GNAQ: variants seen among roughly 807,000 people sequenced by gnomAD.
GNAQ encodes the protein guanine nucleotide-binding protein G(q) subunit alpha.
GNAQ carries 8 observed loss-of-function variants against 43.9 expected under a neutral mutation model. That is an observed-to-expected ratio of 0.18 (90% CI 0.11 to 0.33). The LOEUF (loss-of-function observed/expected upper bound fraction) is 0.33. Ranked by LOEUF, GNAQ falls within the 10% of genes least tolerant of loss-of-function variation. GNAQ has a pLI of 1.00. For synonymous variants in GNAQ, 155 were observed against 170.7 expected, an observed-to-expected ratio of 0.91 and a Z score of 0.71; for missense variants, 158 against 450.8, an observed-to-expected ratio of 0.35 and a Z score of 5.88.
At chr9:77,756,812 C>T (rs1825910849) in intron 5 of GNAQ, among the ~76,000 whole-genome samples, 1 of 152,178 alleles carries the variant, frequency 6.6e-6, no homozygotes, top group Admixed American at 6.5e-5. Context: ...CTTCAGGTTT[C>T]CTTATCTGTA....
chr9:77,958,023 A>G (rs1489650399), intron 1 of GNAQ, among the ~76,000 whole-genome samples: 1 of 152,232 alleles, frequency 6.6e-6, no homozygotes, highest in African/African-American at 2.4e-5. Context: ...TTCTTAAAAT[A>G]CAAATTTTGC....
chr9:77,828,612 G>T (rs139226111), intron 2 of GNAQ, among the ~76,000 whole-genome samples: 1,854 of 152,282 alleles, frequency 0.012, 19 homozygotes, highest in Non-Finnish European at 0.02. Flanking sequence ...TTAGGTCAGA[G>T]ACTAATATTT....
chr9:77,778,144 T>A (rs1826332459), intron 5 of GNAQ, among the ~76,000 whole-genome samples: 2 of 151,992 alleles, frequency 1.3e-5, no homozygotes, highest in Admixed American at 1.3e-4. Flanking sequence ...TTATTTGATC[T>A]AACAGATAAC....
chr9:77,993,867 A>C (rs931405438), intron 1 of GNAQ, among the ~76,000 whole-genome samples: 65 of 152,198 alleles, frequency 4.3e-4, no homozygotes, highest in African/African-American at 1.5e-3. Context: ...ATTTATATAG[A>C]GCTAAAATAG....
At chr9:77,905,298 A>G (rs955505902) in intron 2 of GNAQ, among the ~76,000 whole-genome samples, 2 of 152,178 alleles carry the variant, frequency 1.3e-5, no homozygotes, top group African/African-American at 2.4e-5. Context: ...AACCACGCCT[A>G]TGAGTATTAC....
At chr9:78,021,420 T>C (rs1823907795) in intron 1 of GNAQ, among the ~76,000 whole-genome samples, 1 of 152,218 alleles carries the variant, frequency 6.6e-6, no homozygotes, top group Non-Finnish European at 1.5e-5. Context: ...CAAAAAATTA[T>C]AAAAATCTTT....
At chr9:77,969,121 T>G (rs1412829010) in intron 1 of GNAQ, among the ~76,000 whole-genome samples, 1 of 152,230 alleles carries the variant, frequency 6.6e-6, no homozygotes, top group African/African-American at 2.4e-5. Flanking sequence ...CCAGGTCTGT[T>G]ATTGCTAATC....
At chr9:77,731,604 T>G (rs10869960) in intron 5 of GNAQ, among the ~76,000 whole-genome samples, 85,317 of 152,174 alleles carry the variant, frequency 0.56, 27,169 homozygotes, top group Non-Finnish European at 0.72. Context: ...TCCAGGAATC[T>G]GCTTCTTACA....
intron 5 of GNAQ, among the ~76,000 whole-genome samples, chr9:77,738,108 G>A (rs1175005555): frequency 6.6e-6 from 1 of 152,190 alleles, no homozygotes; most frequent in Non-Finnish European, 1.5e-5. Context: ...GTAAACAGAG[G>A]ACGTGGTGGT....
intron 1 of GNAQ, among the ~76,000 whole-genome samples, chr9:77,987,483 T>C (rs147745578): frequency 4.6e-5 from 7 of 152,216 alleles, no homozygotes; most frequent in East Asian, 1.9e-4. Context: ...ACTAATCTAA[T>C]AGAAGCATCT....
chr9:78,012,113 G>A (rs1823780369), intron 1 of GNAQ, among the ~76,000 whole-genome samples: 1 of 152,142 alleles, frequency 6.6e-6, no homozygotes, highest in Admixed American at 6.5e-5. Flanking sequence ...AAATCTATCT[G>A]CTGGGAAACA....
intron 2 of GNAQ, among the ~76,000 whole-genome samples, chr9:77,883,572 G>A (rs1006078581): frequency 2.0e-5 from 3 of 151,742 alleles, no homozygotes; most frequent in African/African-American, 4.8e-5. Flanking sequence ...GGCGGGGACT[G>A]GGCTTCTAGT....
At chr9:77,801,135 T>A (rs1366452963) in intron 3 of GNAQ, among the ~76,000 whole-genome samples, 1 of 152,088 alleles carries the variant, frequency 6.6e-6, no homozygotes, top group African/African-American at 2.4e-5. Flanking sequence ...CACAGATGAG[T>A]GTTAGCACAG....
At chr9:77,775,599 GAGAC>G (rs1826295465) in intron 5 of GNAQ, among the ~76,000 whole-genome samples, 1 of 151,400 alleles carries the variant, frequency 6.6e-6, no homozygotes, top group African/African-American at 2.4e-5. Flanking sequence ...ATTTTTAGTA[GAGAC>G]GGGGTTTCAC....
intron 2 of GNAQ, among the ~76,000 whole-genome samples, chr9:77,895,959 T>A (rs1355870392): frequency 1.3e-5 from 2 of 152,144 alleles, no homozygotes; most frequent in African/African-American, 2.4e-5. Flanking sequence ...CTGAGTCCAA[T>A]AAAAGCTCTT....
At chr9:77,883,503 T>G (rs1170742956) in intron 2 of GNAQ, among the ~76,000 whole-genome samples, 1 of 151,884 alleles carries the variant, frequency 6.6e-6, no homozygotes, top group Non-Finnish European at 1.5e-5. Flanking sequence ...GTTGTTGTTG[T>G]TTTAATTTTA....
intron 5 of GNAQ, among the ~76,000 whole-genome samples, chr9:77,791,205 T>C (rs895987499): frequency 3.3e-5 from 5 of 152,218 alleles, no homozygotes; most frequent in African/African-American, 9.6e-5. Flanking sequence ...ATAAAGAGCT[T>C]AGCCTGGAAG....
intron 3 of GNAQ, among the ~76,000 whole-genome samples, chr9:77,806,406 T>C (rs1399005260): frequency 6.6e-6 from 1 of 152,206 alleles, no homozygotes; most frequent in Non-Finnish European, 1.5e-5. Flanking sequence ...GTGTGTTAGA[T>C]GGAGGGAGAT....
intron 2 of GNAQ, among the ~76,000 whole-genome samples, chr9:77,878,853 C>T (rs949771248): frequency 1.3e-5 from 2 of 152,034 alleles, no homozygotes; most frequent in Non-Finnish European, 2.9e-5. Flanking sequence ...CGAGACCAGC[C>T]TGGCCTACAT....
Sources: allele counts gnomAD v4.1 joint callset (sites outside exome capture counted in the v4.1 genomes callset), GRCh38; gene constraint gnomAD v4.1.1; transcripts MANE v1.5; gene names NCBI Gene and HGNC (gene_info 2026-07-23, HGNC 2026-07-21).